The following EIF4G3 variants were observed in gnomAD, a reference collection of about 807,000 sequenced individuals.
EIF4G3 encodes the protein eukaryotic translation initiation factor 4 gamma 3, also known as eIF-4-gamma 3.
Under a neutral mutation model 186.4 loss-of-function variants are expected in EIF4G3, and 34 were observed. The observed-to-expected ratio is 0.18, with a 90% confidence interval of 0.14 to 0.24. The LOEUF is 0.24. Among genes scored for constraint, EIF4G3 ranks in the 10% least tolerant of loss-of-function variants. The probability of loss-of-function intolerance (pLI) is 1.00; values close to 1 mark genes in which losing one functional copy is unlikely to be tolerated. For synonymous variants in EIF4G3, 673 were observed against 679.5 expected (o/e 0.99, Z 0.15); for missense variants, 1,536 against 1,948.5 (o/e 0.79, Z 3.99).
intron 2 of EIF4G3, among the ~76,000 whole-genome samples, chr1:21,113,565 C>T (rs933524456): frequency 1.3e-5 from 2 of 151,998 alleles, no homozygotes; most frequent in African/African-American, 4.8e-5. Flanking sequence ...ATCAACTTTC[C>T]ATGTGCTGTT....
intron 1 of EIF4G3, 103 bp downstream of exon 1, chr1:21,176,619 C>T: frequency 4.3e-6 from 1 of 235,150 alleles, no homozygotes; most frequent in Non-Finnish European, 8.1e-6. Flanking sequence ...CCGGCAGCAG[C>T]AGCCGCCCCG....
intron 10 of EIF4G3, among the ~76,000 whole-genome samples, chr1:20,974,996 C>T (rs1286496980): frequency 6.6e-6 from 1 of 152,148 alleles, no homozygotes; most frequent in East Asian, 1.9e-4. Context: ...CCCACTACCA[C>T]CATAACACTT....
intron 13 of EIF4G3, among the ~76,000 whole-genome samples, chr1:20,944,570 G>A (rs2095861688): frequency 6.6e-6 from 1 of 151,472 alleles, no homozygotes; most frequent in Non-Finnish European, 1.5e-5. Flanking sequence ...AGCGGGGTGG[G>A]GGGACAGAGA....
intron 2 of EIF4G3, among the ~76,000 whole-genome samples, chr1:21,104,277 A>C (rs983747220): frequency 6.6e-6 from 1 of 152,158 alleles, no homozygotes; most frequent in Non-Finnish European, 1.5e-5. Flanking sequence ...ATCCTCAACA[A>C]ATATTTTATG....
intron 2 of EIF4G3, among the ~76,000 whole-genome samples, chr1:21,120,811 A>C (rs1485694292): frequency 1.3e-5 from 2 of 152,194 alleles, no homozygotes; most frequent in Non-Finnish European, 2.9e-5. Context: ...TCAGTATAAG[A>C]GCACGAGTAT....
chr1:21,042,963 A>G (rs2093663763), intron 4 of EIF4G3, among the ~76,000 whole-genome samples: 1 of 152,246 alleles, frequency 6.6e-6, no homozygotes, highest in Non-Finnish European at 1.5e-5. Context: ...AAAAATCTGA[A>G]TGTCACAACC....
chr1:21,144,766 C>T (rs1001243526), intron 2 of EIF4G3, among the ~76,000 whole-genome samples: 3 of 152,056 alleles, frequency 2.0e-5, no homozygotes, highest in Non-Finnish European at 4.4e-5. Context: ...AAAAAGCCCA[C>T]GAAGGTGCAT....
chr1:21,085,204 T>C (rs1011820688), intron 3 of EIF4G3, among the ~76,000 whole-genome samples: 2 of 152,048 alleles, frequency 1.3e-5, no homozygotes, highest in African/African-American at 4.8e-5. Context: ...TCAGGATTAC[T>C]AGAAGTTTTC....
chr1:20,989,047 G>C (rs1183924508), intron 7 of EIF4G3, among the ~76,000 whole-genome samples: 6 of 72,218 alleles, frequency 8.3e-5, no homozygotes, highest in African/African-American at 3.4e-4. Context: ...CAAAAAGAGA[G>C]GAGAGGAGAG....
intron 4 of EIF4G3, among the ~76,000 whole-genome samples, chr1:21,018,712 C>T (rs1454482622): frequency 1.3e-5 from 2 of 152,062 alleles, no homozygotes; most frequent in Admixed American, 6.6e-5. Context: ...TTGCTGCCAT[C>T]CTTGCTGGAG....
chr1:20,987,448 T>G (rs991773399), intron 7 of EIF4G3, among the ~76,000 whole-genome samples: 49 of 152,250 alleles, frequency 3.2e-4, no homozygotes, highest in Admixed American at 3.1e-3. Flanking sequence ...GAAATCCTTG[T>G]GTTGAGAAAG....
At chr1:21,084,800 C>T (rs1572293663) in intron 3 of EIF4G3, among the ~76,000 whole-genome samples, 1 of 151,962 alleles carries the variant, frequency 6.6e-6, no homozygotes, top group East Asian at 1.9e-4. Context: ...CAGTCATTCT[C>T]TATCCCTTTA....
chr1:20,836,423 T>C (rs1169996978), intron 30 of EIF4G3, among the ~76,000 whole-genome samples: 1 of 152,076 alleles, frequency 6.6e-6, no homozygotes, highest in African/African-American at 2.4e-5. Flanking sequence ...TTTTGTTAAT[T>C]TTTTTTACAG....
chr1:21,173,288 G>A (rs1232632870), intron 2 of EIF4G3, among the ~76,000 whole-genome samples: 4 of 151,486 alleles, frequency 2.6e-5, no homozygotes, highest in South Asian at 4.2e-4. Flanking sequence ...CTTCTGCCTC[G>A]TGGGTTCAAG....
Position 20,941,855 on chromosome 1 carries a change from T to C in EIF4G3, c.1299A>G (p.Lys433=). Residue 433 remains lysine (K), a synonymous_variant, in exon 14 of 37, where the codon AAA becomes AAG. Transcript: ENST00000602326. ...CAAGAGTCAATGGCAATACTTCCTG[T>C]TTTACTATTTCCACAATGCTCTCCG... is the stretch of plus-strand genomic sequence containing the variant. ...SATESIVEIV[K]QEVLPLTLEL... 12 of 1,614,160 alleles carry C rather than the reference T, an allele frequency of 7.4e-6. No individual in the cohort carries two copies. The highest frequency in any genetic ancestry group is 1.0e-5 in the Non-Finnish European group (12 of 1,180,024).
Position 20,997,586 on chromosome 1 carries a change from G to A in EIF4G3, c.177+15C>T. The A allele has an allele frequency of 6.5e-7, 1 of 1,550,082 alleles. No individual in the cohort carries two copies. The highest frequency in any genetic ancestry group is 2.4e-5 in the East Asian group (1 of 40,908). ...ATTAGTTAAGGGTGATAGTGAAGGG[G>A]CAAGGGTACAGTACCTGATGATGGG... On this transcript the variant is annotated intron_variant, in intron 7 of 36. Coordinates refer to ENST00000602326, the MANE Select transcript of EIF4G3 (RefSeq NM_001391906.1).
chr1:20,842,145 CTAT>C (rs2068832671), intron 29 of EIF4G3, among the ~76,000 whole-genome samples: 1 of 152,100 alleles, frequency 6.6e-6, no homozygotes, highest in Admixed American at 6.6e-5. Context: ...AAGAGATTTA[CTAT>C]AATGTCAATA....
chr1:21,038,216 C>A (rs536904253), intron 4 of EIF4G3, among the ~76,000 whole-genome samples: 95 of 152,304 alleles, frequency 6.2e-4, no homozygotes, highest in Admixed American at 3.7e-3. Flanking sequence ...CTATACTATT[C>A]AAAGCTTAGC....
chr1:20,833,252 G>C (rs2065818362), intron 30 of EIF4G3, among the ~76,000 whole-genome samples: 1 of 150,544 alleles, frequency 6.6e-6, no homozygotes, highest in Non-Finnish European at 1.5e-5. Flanking sequence ...AGCATGGAAT[G>C]TTCTTCCATT....
Sources: allele counts gnomAD v4.1 joint callset (sites outside exome capture counted in the v4.1 genomes callset), GRCh38; gene constraint gnomAD v4.1.1; transcripts MANE v1.5; gene names NCBI Gene and HGNC (gene_info 2026-07-23, HGNC 2026-07-21).